Variants in SRPK2 observed in about 807,000 individuals in gnomAD.
The protein encoded by SRPK2 is SFRS protein kinase 2.
Under a neutral mutation model 90.8 loss-of-function variants are expected in SRPK2, and 21 were observed. The ratio of observed to expected loss-of-function variants is 0.23; its 90% CI spans 0.16 to 0.33. SRPK2 has a LOEUF of 0.33. SRPK2 is among the 10% of genes least tolerant of loss of function. The pLI is 1.00. For missense variants in SRPK2, 620 were observed against 869.0 expected, an observed-to-expected ratio of 0.71 and a Z score of 3.60; for synonymous variants, 288 against 311.1, an observed-to-expected ratio of 0.93 and a Z score of 0.78.
chr7:105,294,150 G>C (rs1809466498), intron 2 of SRPK2, among the ~76,000 whole-genome samples: 2 of 152,178 alleles, frequency 1.3e-5, no homozygotes, highest in Non-Finnish European at 2.9e-5. Context: ...AGAATGCCTG[G>C]CATAATCAGG....
chr7:105,378,761 CAAA>C (rs35549009), intron 2 of SRPK2, among the ~76,000 whole-genome samples: 3 of 92,250 alleles, frequency 3.3e-5, no homozygotes, highest in African/African-American at 4.6e-5. Context: ...GACTCCGTCT[CAAA>C]AAAAAAAAAA....
intron 2 of SRPK2, among the ~76,000 whole-genome samples, chr7:105,248,360 GAAAC>G (rs1325358553): frequency 2.0e-5 from 3 of 149,612 alleles, no homozygotes; most frequent in African/African-American, 7.4e-5. Flanking sequence ...AGAGGATGAG[GAAAC>G]AAGATTGTTT....
chr7:105,351,371 G>A lies in SRPK2; in HGVS notation c.71+37277C>T, dbSNP rs117620739. ...CCCAGTCTTAACCAGGCCCACCCCT[G>A]GTTAAGGATGGGCAACAGGCTCACC... On this transcript the variant is annotated intron_variant, in intron 2 of 15. Coordinates refer to ENST00000393651, the MANE Select transcript of SRPK2 (RefSeq NM_182692.3). Among the ~76,000 whole-genome samples the A allele has an allele frequency of 2.8e-3, 426 of 152,094 alleles. 10 individuals carry two copies. The East Asian group carries it at 0.055, about 19-fold the overall frequency.
intron 2 of SRPK2, among the ~76,000 whole-genome samples, chr7:105,345,522 T>A (rs867530228): frequency 5.3e-5 from 8 of 151,720 alleles, no homozygotes; most frequent in Non-Finnish European, 8.8e-5. Flanking sequence ...CGAAAAAAAA[T>A]TCATTATAAG....
chr7:105,137,366 G>T (rs116669289), intron 11 of SRPK2, among the ~76,000 whole-genome samples: 2,103 of 152,296 alleles, frequency 0.014, 33 homozygotes, highest in East Asian at 0.041. Flanking sequence ...TGGAGATCAT[G>T]TTGGTGAGGC....
chr7:105,170,973 GAAAGAGAAAGAA>G (rs1791011089), intron 3 of SRPK2, among the ~76,000 whole-genome samples: 7 of 70,536 alleles, frequency 9.9e-5, no homozygotes, highest in Admixed American at 1.5e-4. Context: ...GAAAGAGAAA[GAAAGAGAAAGAA>G]AGAAAGAAAG....
chr7:105,340,275 AG>A (rs1335698119), intron 2 of SRPK2, among the ~76,000 whole-genome samples: 1 of 89,768 alleles, frequency 1.1e-5, no homozygotes, highest in East Asian at 4.0e-4. Context: ...TTCAAGAAAA[AG>A]CCAAGTGGGC....
intron 2 of SRPK2, among the ~76,000 whole-genome samples, chr7:105,266,259 T>TC (rs3839739): frequency 0.41 from 62,551 of 151,898 alleles, 14,815 homozygotes; most frequent in Non-Finnish European, 0.53. Flanking sequence ...GTTTTGCTTT[T>TC]CCCATTTTAT....
intron 2 of SRPK2, among the ~76,000 whole-genome samples, 159 bp downstream of exon 2, chr7:105,388,489 C>T (rs539571030): frequency 1.4e-5 from 2 of 147,644 alleles, no homozygotes; most frequent in Non-Finnish European, 3.0e-5. Context: ...GCCGCCCCTC[C>T]CCCCGGGCCG....
intron 2 of SRPK2, among the ~76,000 whole-genome samples, chr7:105,292,497 C>CA (rs397889533): frequency 0.037 from 2,764 of 74,732 alleles, 518 homozygotes; most frequent in African/African-American, 0.055. Flanking sequence ...GTAAGACTCT[C>CA]AAAAAAAAAA....
chr7:105,223,170 G>A (rs780405290), intron 2 of SRPK2, among the ~76,000 whole-genome samples: 8 of 152,266 alleles, frequency 5.3e-5, no homozygotes, highest in South Asian at 2.1e-4. Flanking sequence ...TGTCCAGACC[G>A]GGCTCAAGCG....
In SRPK2 at chr7:105,370,863, G is replaced by A. The variant is rs141467750; in HGVS notation, c.71+17785C>T. ...ACTCCTGACCTCAGGCAATCCACCC[G>A]CTTAGGCCTCTGAAAGTGCTAGGAT... On this transcript the variant is annotated intron_variant, in intron 2 of 15. Transcript: ENST00000393651. Among the ~76,000 whole-genome samples the A allele has an allele frequency of 1.1e-3, 173 of 151,744 alleles. 1 individual carries two copies. Among genetic ancestry groups the A allele is most frequent in the African/African-American group, 3.5e-3 (147 of 41,418 alleles).
At chr7:105,336,653 G>C (rs1239496745) in intron 2 of SRPK2, among the ~76,000 whole-genome samples, 1 of 152,182 alleles carries the variant, frequency 6.6e-6, no homozygotes, top group East Asian at 1.9e-4. Context: ...ATTGAGGAAA[G>C]AGTCTGTTGT....
rs954961083 is a variant in SRPK2, at chr7:105,334,436, C to T, written c.71+54212G>A. On this transcript the variant is annotated intron_variant, in intron 2 of 15. Transcript: ENST00000393651. ...TCGGTGTTTCACCATGTTGGCCAGG[C>T]TGGTCTCGAACTCCGACCTCATGAT... Among the ~76,000 whole-genome samples the T allele has an allele frequency of 3.3e-5, 5 of 150,592 alleles. No individual in the cohort carries two copies. In the South Asian group the frequency reaches 1.1e-3, roughly 33 times the overall value.
chr7:105,276,097 A>G (rs1481943362), intron 2 of SRPK2, among the ~76,000 whole-genome samples: 1 of 150,334 alleles, frequency 6.7e-6, no homozygotes, highest in Non-Finnish European at 1.5e-5. Flanking sequence ...TTTTTTTTTT[A>G]GAGGGACAGA....
intron 3 of SRPK2, chr7:105,189,574 C>T (rs1289510995): frequency 2.0e-5 from 3 of 152,430 alleles, no homozygotes; most frequent in Non-Finnish European, 4.4e-5. Context: ...GAGTTCTAGA[C>T]CAGCCTGGCC....
chr7:105,125,530 AAT>A (rs1270609241), intron 15 of SRPK2, among the ~76,000 whole-genome samples: 1 of 152,214 alleles, frequency 6.6e-6, no homozygotes, highest in Non-Finnish European at 1.5e-5. Flanking sequence ...TTTTATAAAT[AAT>A]ATACAGATTG....
intron 2 of SRPK2, among the ~76,000 whole-genome samples, chr7:105,319,509 G>GA (rs1554508562): frequency 5.8e-5 from 7 of 120,736 alleles, no homozygotes; most frequent in African/African-American, 8.6e-5. Context: ...TGCGGCGGGG[G>GA]GGGGGGGGGC....
chr7:105,116,199 C>T (rs1431427027), downstream of SRPK2, among the ~76,000 whole-genome samples: 4 of 152,094 alleles, frequency 2.6e-5, no homozygotes, highest in African/African-American at 9.7e-5. Flanking sequence ...AGCTTTTCTC[C>T]TAAATCCCTT....
Sources: gnomAD v4.1 joint callset for allele counts (sites outside exome capture counted in the v4.1 genomes callset) on GRCh38, gnomAD v4.1.1 for gene constraint, MANE v1.5 for transcripts, NCBI Gene and HGNC (gene_info 2026-07-23, HGNC 2026-07-21) for gene names.